The following OTOF variants were observed in gnomAD, a reference collection of about 807,000 sequenced individuals.
OTOF encodes the protein otoferlin.
OTOF carries 218 observed loss-of-function variants against 236.8 expected under a neutral mutation model. The observed-to-expected ratio is 0.92, with a 90% CI of 0.82 to 1.03. The LOEUF is 1.03. Ranked by LOEUF, OTOF falls within the 50% of genes least tolerant of loss-of-function variation. OTOF has a pLI of 0.00. For missense variants in OTOF, 2,590 were observed against 2,694.4 expected, an observed-to-expected ratio of 0.96 and a Z score of 0.86; for synonymous variants, 1,041 against 1,072.5, an observed-to-expected ratio of 0.97 and a Z score of 0.57.
chr2:26,461,005 C>T lies in OTOF; in HGVS notation c.5559G>A (p.Arg1853=). The change falls in exon 44 of 47, where the codon CGG becomes CGA. Residue 1853 remains arginine, a synonymous_variant. Coordinates refer to ENST00000272371, the MANE Select transcript of OTOF (RefSeq NM_194248.3). The surrounding 1 kb of genome is among the most constrained non-coding windows in gnomAD (Gnocchi z 6.2). ...FLGAIELDLN[R]FPRGAKTAKQ... ...TGGCTGTCTTTGCGCCCCGCGGGAA[C>T]CGGTTCAGGTCCAGCTCGATGGCCC... 1 of 1,531,020 alleles carries T rather than the reference C, an allele frequency of 6.5e-7. No homozygotes were observed. The highest frequency in any genetic ancestry group is 8.9e-7 in the Non-Finnish European group (1 of 1,128,026). 94.8% of individuals were successfully genotyped at this position (1,531,020 alleles called of 1,614,324 possible). A position where few individuals can be genotyped will look rare whatever the true frequency, so the allele number is the denominator to read the frequency against.
At chr2:26,539,112 C>T (rs1667148916) in intron 1 of OTOF, among the ~76,000 whole-genome samples, 1 of 152,006 alleles carries the variant, frequency 6.6e-6, no homozygotes, top group African/African-American at 2.4e-5. Flanking sequence ...CGCGCCAGGC[C>T]TCCAGTACAA....
At chr2:26,475,725 G>A (rs142364427) in intron 24 of OTOF, among the ~76,000 whole-genome samples, 189 bp downstream of exon 24, 2,010 of 152,214 alleles carry the variant, frequency 0.013, 17 homozygotes, top group Non-Finnish European at 0.019. Context: ...GCTAAAGCCC[G>A]TAGCCTTTCC....
At chr2:26,469,435 C>T (rs1488387623) in intron 32 of OTOF, among the ~76,000 whole-genome samples, 2 of 152,222 alleles carry the variant, frequency 1.3e-5, no homozygotes, top group African/African-American at 4.8e-5. Context: ...TTGCTGAGCA[C>T]ACAGCCACCT....
chr2:26,545,297 C>G (rs1186631054), intron 1 of OTOF, among the ~76,000 whole-genome samples: 1 of 152,106 alleles, frequency 6.6e-6, no homozygotes, highest in African/African-American at 2.4e-5. Flanking sequence ...GGCCATACGT[C>G]TATCTTATTC....
At chr2:26,494,428 G>A (rs10211477) in intron 9 of OTOF, among the ~76,000 whole-genome samples, 6,519 of 152,340 alleles carry the variant, frequency 0.043, 246 homozygotes, top group African/African-American at 0.11. Context: ...TGCTGGCACT[G>A]TGAGGTTGGA....
At chr2:26,463,404 C>G in intron 41 of OTOF, 79 bp downstream of exon 41, 1 of 1,231,902 alleles carries the variant, frequency 8.1e-7, no homozygotes, top group Non-Finnish European at 1.2e-6. Context: ...CCTGAGCCCC[C>G]CGCAGGAAGG....
chr2:26,474,592 G>A lies in OTOF; in HGVS notation c.3209C>T (p.Pro1070Leu). The stretch of plus-strand genomic sequence containing the variant: ...GATCTGGTAGTACTCGAGCTGAGGT[G>A]GGAAGCGGGGTGGGCAGTACGCCTC... Reference protein sequence around the residue: ...ADEAYCPPRFPPQLEYYQIYR... With the variant: ...ADEAYCPPRFLPQLEYYQIYR... Residue 1070 changes from proline (P) to leucine (L), a missense_variant, in exon 26 of 47, where the codon CCA (proline) becomes CTA (leucine). Transcript: ENST00000272371. The A allele has an allele frequency of 2.5e-6, 4 of 1,613,296 alleles. No homozygotes were observed. The highest frequency in any genetic ancestry group is 2.2e-5 in the East Asian group (1 of 44,884).
chr2:26,467,503 T>C lies in OTOF; in HGVS notation c.4091-2A>G, dbSNP rs1664789878. ...TGCCCTTCATTGACCCCTTCAGGCC[T>C]GGCCAGAAGCAGAAAAGGAGGTGGA... On this transcript the variant is annotated splice_acceptor_variant, in intron 33 of 46. Coordinates refer to ENST00000272371, the MANE Select transcript of OTOF (RefSeq NM_194248.3). LOFTEE classifies it high-confidence loss of function. The C allele has an allele frequency of 6.2e-7, 1 of 1,613,704 alleles. No individual in the cohort carries two copies.
intron 5 of OTOF, chr2:26,510,618 G>T: frequency 1.2e-6 from 1 of 860,636 alleles, no homozygotes; most frequent in Non-Finnish European, 1.7e-6. Flanking sequence ...TCTCAGCCGA[G>T]CCCATCCCGC....
At chr2:26,516,647 C>A (rs189220461) in intron 4 of OTOF, 48 bp from the exon 5 acceptor site, 36 of 1,583,806 alleles carry the variant, frequency 2.3e-5, no homozygotes, top group Middle Eastern at 3.4e-4. Flanking sequence ...TGACAGCAAT[C>A]TCCACCCCGT....
intron 5 of OTOF, among the ~76,000 whole-genome samples, chr2:26,509,374 G>A (rs867380896): frequency 2.5e-4 from 38 of 152,128 alleles, no homozygotes; most frequent in Admixed American, 1.3e-4. Flanking sequence ...TTCCCTTACT[G>A]GGAACCTGGC....
chr2:26,458,266 G>C (rs1198546906), intron 46 of OTOF, 46 bp from the exon 47 acceptor site: 9 of 1,530,416 alleles, frequency 5.9e-6, no homozygotes, highest in Non-Finnish European at 8.0e-6. Context: ...GGCAGGAGCT[G>C]CCTCCCAGTG....
In OTOF at chr2:26,462,262, G is replaced by T; in HGVS notation, c.5193-81C>A. On this transcript the variant is annotated intron_variant, in intron 41 of 46. Transcript: ENST00000272371. This position sits in a 1 kb window ranked among gnomAD's most constrained non-coding sequence, Gnocchi z 4.7. ...TGCCAGGGCTGGGATGGGGCAGGCGGAGAGAAGCCCTGGGGTCTTGGGGTC... is the reference window on the plus strand; with the variant it reads ...TGCCAGGGCTGGGATGGGGCAGGCGTAGAGAAGCCCTGGGGTCTTGGGGTC... The T allele has an allele frequency of 8.2e-7, 1 of 1,218,638 alleles. No homozygotes were observed. The highest frequency in any genetic ancestry group is 1.2e-6 in the Non-Finnish European group (1 of 822,184). 75.5% of individuals were successfully genotyped at this position (1,218,638 alleles called of 1,614,324 possible). A position where few individuals can be genotyped will look rare whatever the true frequency, so the allele number is the denominator to read the frequency against.
chr2:26,526,338 G>A (rs998994483), intron 3 of OTOF, among the ~76,000 whole-genome samples: 3 of 151,650 alleles, frequency 2.0e-5, no homozygotes, highest in African/African-American at 7.3e-5. Flanking sequence ...TGGATAAATG[G>A]GTGGATAAAT....
chr2:26,540,144 G>A (rs1452076680), intron 1 of OTOF, among the ~76,000 whole-genome samples: 1 of 152,150 alleles, frequency 6.6e-6, no homozygotes, highest in Non-Finnish European at 1.5e-5. Flanking sequence ...TGTTGGTCAG[G>A]CTGGTCTCGA....
Position 26,481,002 on chromosome 2 carries a change from CAGGAAG to C in OTOF, c.1581_1586del (p.Phe528_Leu529del). The C allele has an allele frequency of 1.2e-6, 2 of 1,612,404 alleles. No individual in the cohort carries two copies. The highest frequency in any genetic ancestry group is 1.7e-6 in the Non-Finnish European group (2 of 1,179,556). ...TCACCCAGGCTGGGCCCAGTGTGGGCAGGAAGCCTGTGGCAGTGGGAACAAAAATGA... is the reference window on the plus strand; with the variant it reads ...TCACCCAGGCTGGGCCCAGTGTGGGCCCTGTGGCAGTGGGAACAAAAATGA... On this transcript the variant is annotated inframe_deletion and splice_region_variant, in exon 15 of 47. Coordinates refer to ENST00000272371, the MANE Select transcript of OTOF (RefSeq NM_194248.3).
chr2:26,520,519 A>T (rs554418400), intron 3 of OTOF, among the ~76,000 whole-genome samples: 39 of 152,288 alleles, frequency 2.6e-4, no homozygotes, highest in African/African-American at 8.9e-4. Context: ...CCCAACCACC[A>T]TTGTGCCCCA....
At chr2:26,495,131 C>G in intron 8 of OTOF, 58 bp from the exon 9 acceptor site, 1 of 1,604,006 alleles carries the variant, frequency 6.2e-7, no homozygotes, top group South Asian at 1.1e-5. Context: ...GGAGCCTGGT[C>G]CCGCAGGGGT....
chr2:26,524,402 G>T (rs560116539), intron 3 of OTOF, among the ~76,000 whole-genome samples: 2 of 152,132 alleles, frequency 1.3e-5, no homozygotes, highest in African/African-American at 2.4e-5. Context: ...CCAGCTACTC[G>T]GGAGGCCAAG....
Sources: allele counts gnomAD v4.1 joint callset (sites outside exome capture counted in the v4.1 genomes callset), GRCh38; gene constraint gnomAD v4.1.1; non-coding constraint Gnocchi (gnomAD v3.1); transcripts MANE v1.5; gene names NCBI Gene and HGNC (gene_info 2026-07-23, HGNC 2026-07-21).